Variants in LRRTM4 observed in about 807,000 individuals in gnomAD.
The protein encoded by LRRTM4 is leucine-rich repeat transmembrane neuronal protein 4.
Under a neutral mutation model 47.6 loss-of-function variants are expected in LRRTM4, and 25 were observed. That is an observed-to-expected ratio of 0.53 (90% confidence interval 0.38 to 0.73). LRRTM4 has a LOEUF of 0.73. Ranked by LOEUF, LRRTM4 falls within the 30% of genes least tolerant of loss-of-function variation. The probability of loss-of-function intolerance (pLI) is 0.00; values close to 1 mark genes in which losing one functional copy is unlikely to be tolerated. For synonymous variants in LRRTM4, 311 were observed against 269.5 expected, an observed-to-expected ratio of 1.15 and a Z score of -1.51; for missense variants, 638 against 713.4, an observed-to-expected ratio of 0.89 and a Z score of 1.20.
intron 3 of LRRTM4, among the ~76,000 whole-genome samples, chr2:77,077,659 G>T (rs1409084376): frequency 6.6e-6 from 1 of 152,056 alleles, no homozygotes; most frequent in East Asian, 1.9e-4. Context: ...AAGACATCTA[G>T]CATTGTAAAT....
chr2:77,177,861 G>T (rs1369236701), intron 3 of LRRTM4, among the ~76,000 whole-genome samples: 1 of 152,132 alleles, frequency 6.6e-6, no homozygotes. Flanking sequence ...CCTTCTTTAT[G>T]GTTCCCTTCC....
intron 3 of LRRTM4, among the ~76,000 whole-genome samples, chr2:77,506,431 C>A (rs752837139): frequency 2.0e-5 from 3 of 151,512 alleles, no homozygotes; most frequent in Non-Finnish European, 3.0e-5. Flanking sequence ...TTATTGTTGA[C>A]TTCAAAGACT....
intron 3 of LRRTM4, among the ~76,000 whole-genome samples, chr2:76,974,497 T>G (rs1287277907): frequency 6.7e-6 from 1 of 149,488 alleles, no homozygotes; most frequent in Non-Finnish European, 1.5e-5. Context: ...TATACAAACT[T>G]GTAATAAAAC....
At chr2:77,294,511 A>C (rs1676915553) in intron 3 of LRRTM4, among the ~76,000 whole-genome samples, 1 of 152,084 alleles carries the variant, frequency 6.6e-6, no homozygotes, top group East Asian at 1.9e-4. Context: ...GGAGTAACAA[A>C]AGCAGATATA....
intron 3 of LRRTM4, among the ~76,000 whole-genome samples, chr2:76,999,558 C>T (rs1162329677): frequency 1.3e-5 from 2 of 151,966 alleles, no homozygotes; most frequent in Non-Finnish European, 2.9e-5. Flanking sequence ...CGGGCCAAAA[C>T]AGAGATACTC....
intron 3 of LRRTM4, among the ~76,000 whole-genome samples, chr2:77,056,653 A>C (rs2103788119): frequency 6.6e-6 from 1 of 152,340 alleles, no homozygotes. Context: ...ATAAATATTG[A>C]AGGTTTCAGA....
intron 3 of LRRTM4, among the ~76,000 whole-genome samples, chr2:76,913,403 A>C (rs1422107079): frequency 6.6e-6 from 1 of 151,824 alleles, no homozygotes; most frequent in Non-Finnish European, 1.5e-5. Flanking sequence ...TCATTTATTT[A>C]ACTAAATATA....
chr2:76,904,212 A>C (rs1308349050), intron 3 of LRRTM4, among the ~76,000 whole-genome samples: 1 of 152,224 alleles, frequency 6.6e-6, no homozygotes, highest in Admixed American at 6.5e-5. Context: ...TCCTGGAACA[A>C]AGTAGCATGT....
intron 3 of LRRTM4, among the ~76,000 whole-genome samples, chr2:77,306,898 T>TATATATATATATATA (rs1491493424): frequency 1.2e-5 from 1 of 81,448 alleles, no homozygotes; most frequent in African/African-American, 6.8e-5. Context: ...CTTTTCCATA[T>TATATATATATATATA]TTTTTTTTTT....
intron 3 of LRRTM4, among the ~76,000 whole-genome samples, chr2:77,285,478 A>C (rs1381507295): frequency 6.6e-6 from 1 of 151,730 alleles, no homozygotes; most frequent in African/African-American, 2.4e-5. Context: ...GCAGTGGCTC[A>C]TGCCTGTAAT....
At chr2:76,808,012 C>G (rs1474808893) in intron 3 of LRRTM4, among the ~76,000 whole-genome samples, 9 of 132,212 alleles carry the variant, frequency 6.8e-5, no homozygotes, top group Non-Finnish European at 1.2e-4. Flanking sequence ...TTTTCTCTCT[C>G]CTTCCTTCCT....
intron 3 of LRRTM4, chr2:77,517,332 C>T (rs1470317837): frequency 4.1e-6 from 4 of 983,360 alleles, no homozygotes; most frequent in East Asian, 2.3e-4. Flanking sequence ...GGAGGATACC[C>T]AGAACTCAAA....
chr2:77,347,104 C>T (rs1458502686), intron 3 of LRRTM4, among the ~76,000 whole-genome samples: 1 of 152,140 alleles, frequency 6.6e-6, no homozygotes, highest in Non-Finnish European at 1.5e-5. Flanking sequence ...TCTCTCTCTA[C>T]TGTCTCTGAT....
At chr2:77,343,612 T>A (rs1280251131) in intron 3 of LRRTM4, among the ~76,000 whole-genome samples, 1 of 151,944 alleles carries the variant, frequency 6.6e-6, no homozygotes, top group East Asian at 1.9e-4. Context: ...ATAGTTATTA[T>A]ATAATCTAAA....
chr2:76,873,685 T>A (rs867676283), intron 3 of LRRTM4, among the ~76,000 whole-genome samples: 2 of 151,676 alleles, frequency 1.3e-5, no homozygotes, highest in South Asian at 2.1e-4. Flanking sequence ...ATGTGTGAGA[T>A]GTGCTTCTGG....
intron 3 of LRRTM4, among the ~76,000 whole-genome samples, chr2:77,106,029 G>A (rs1036448620): frequency 2.6e-5 from 4 of 151,984 alleles, no homozygotes; most frequent in Admixed American, 2.6e-4. Flanking sequence ...ATTCTATCCT[G>A]GGGCCTTTGC....
chr2:77,325,234 T>A (rs1288971583), intron 3 of LRRTM4, among the ~76,000 whole-genome samples: 1 of 152,112 alleles, frequency 6.6e-6, no homozygotes, highest in Admixed American at 6.6e-5. Flanking sequence ...AGCCTCTGGT[T>A]CTAGGGAACA....
intron 3 of LRRTM4, among the ~76,000 whole-genome samples, chr2:77,121,431 TTAAGA>T (rs978048507): frequency 5.3e-5 from 8 of 151,842 alleles, no homozygotes; most frequent in East Asian, 1.9e-4. Context: ...TAACAAAGTA[TTAAGA>T]TAAGACATAT....
chr2:76,864,982 T>C (rs10184167), intron 3 of LRRTM4, among the ~76,000 whole-genome samples: 1,937 of 151,854 alleles, frequency 0.013, 45 homozygotes, highest in African/African-American at 0.045. Context: ...GCGATTCTTC[T>C]GCCTCAGCCT....
Sources: allele counts gnomAD v4.1 joint callset (sites outside exome capture counted in the v4.1 genomes callset), GRCh38; gene constraint gnomAD v4.1.1; transcripts MANE v1.5; gene names NCBI Gene and HGNC (gene_info 2026-07-23, HGNC 2026-07-21).